The following GRM7 variants were observed in gnomAD, a reference collection of about 807,000 sequenced individuals.
GRM7 encodes the protein metabotropic glutamate receptor 7.
In GRM7, 35 loss-of-function variants were observed where a neutral mutation model predicts 84.5. The ratio of observed to expected loss-of-function variants is 0.41; its 90% CI spans 0.32 to 0.55. The LOEUF (loss-of-function observed/expected upper bound fraction) is 0.55. Among genes scored for constraint, GRM7 ranks in the 20% least tolerant of loss-of-function variants. GRM7 has a pLI of 0.19. For synonymous variants in GRM7, 487 were observed against 455.1 expected (o/e 1.07, Z -0.89); for missense variants, 1,003 against 1,194.6 (o/e 0.84, Z 2.36).
chr3:6,904,900 T>C (rs1696513385), intron 1 of GRM7, among the ~76,000 whole-genome samples: 1 of 152,114 alleles, frequency 6.6e-6, no homozygotes, highest in Admixed American at 6.6e-5. Flanking sequence ...TGTGTATTTT[T>C]TCTGTAGAGA....
At chr3:7,528,030 C>T (rs1559381641) in intron 7 of GRM7, among the ~76,000 whole-genome samples, 1 of 151,934 alleles carries the variant, frequency 6.6e-6, no homozygotes, top group Non-Finnish European at 1.5e-5. Context: ...AAGCATAATA[C>T]TGGTTTCACA....
rs1052681591 is a variant in GRM7, at chr3:6,960,225, T to C, written c.519+98318T>C. On this transcript the variant is annotated intron_variant, in intron 1 of 9. Transcript: ENST00000357716. ...CATTCCCCTGCTCTTCCCGACCTCTTTCCAGTGTGCCTTCTTCTTTGTATT... is the reference window on the plus strand; with the variant it reads ...CATTCCCCTGCTCTTCCCGACCTCTCTCCAGTGTGCCTTCTTCTTTGTATT... Among the ~76,000 whole-genome samples, 4 of 152,156 alleles carry C rather than the reference T, an allele frequency of 2.6e-5. No homozygotes were observed. In the East Asian group the frequency reaches 5.8e-4, roughly 22 times the overall value.
At chr3:7,279,098 G>A (rs549052407) in intron 2 of GRM7, among the ~76,000 whole-genome samples, 2 of 152,068 alleles carry the variant, frequency 1.3e-5, no homozygotes, top group East Asian at 1.9e-4. Flanking sequence ...ATAAGAAAAC[G>A]GTATATTACA....
At chr3:6,955,810 C>T (rs1693022512) in intron 1 of GRM7, among the ~76,000 whole-genome samples, 1 of 148,420 alleles carries the variant, frequency 6.7e-6, no homozygotes, top group African/African-American at 2.5e-5. Flanking sequence ...CCACTGCACT[C>T]CAGATTGGAC....
At chr3:7,483,528 G>A (rs541920800) in intron 7 of GRM7, among the ~76,000 whole-genome samples, 1 of 152,310 alleles carries the variant, frequency 6.6e-6, no homozygotes, top group East Asian at 1.9e-4. Flanking sequence ...TAGGAGGACA[G>A]GTCACAAACT....
intron 1 of GRM7, among the ~76,000 whole-genome samples, chr3:7,080,684 T>TTG (rs1188300031): frequency 7.1e-6 from 1 of 141,150 alleles, no homozygotes; most frequent in African/African-American, 2.7e-5. Flanking sequence ...GTGTGTATAT[T>TTG]TGTATATATA....
At chr3:7,157,673 C>G (rs182886249) in intron 2 of GRM7, among the ~76,000 whole-genome samples, 576 of 151,332 alleles carry the variant, frequency 3.8e-3, no homozygotes, top group Non-Finnish European at 6.9e-3. Context: ...ATGGCTTTTG[C>G]TTCTTTGTGC....
At chr3:7,550,197 A>C (rs1423999422) in intron 7 of GRM7, among the ~76,000 whole-genome samples, 1 of 151,854 alleles carries the variant, frequency 6.6e-6, no homozygotes, top group Non-Finnish European at 1.5e-5. Context: ...GAGGCCAAAA[A>C]AAAACCTAAA....
rs1223006724 is a variant in GRM7 at position 7,594,352 on chromosome 3, T to C, written c.2451+14995T>C. Reference sequence around the variant, plus strand: ...GTAATGCCAGGGGCTGCTATTCACATAGGTTATAAGAATGCCACCCCATGG... The same window carrying C: ...GTAATGCCAGGGGCTGCTATTCACACAGGTTATAAGAATGCCACCCCATGG... On this transcript the variant is annotated intron_variant, in intron 8 of 9. Coordinates refer to ENST00000357716, the MANE Select transcript of GRM7 (RefSeq NM_000844.4). Among the ~76,000 whole-genome samples the C allele has an allele frequency of 3.3e-5, 5 of 152,274 alleles. No homozygotes were observed. In the South Asian group the frequency reaches 6.2e-4, roughly 19 times the overall value.
chr3:7,067,947 A>G (rs1191147807), intron 1 of GRM7, among the ~76,000 whole-genome samples: 4 of 151,970 alleles, frequency 2.6e-5, no homozygotes, highest in African/African-American at 9.7e-5. Flanking sequence ...AACGTAAAGA[A>G]CTCACCTTGC....
intron 4 of GRM7, among the ~76,000 whole-genome samples, chr3:7,358,909 G>A (rs1478003689): frequency 1.3e-5 from 2 of 148,860 alleles, no homozygotes; most frequent in East Asian, 1.9e-4. Flanking sequence ...ATTGAGGTCA[G>A]GGGTTTGAGA....
chr3:6,884,759 C>G (rs1321817141), intron 1 of GRM7, among the ~76,000 whole-genome samples: 1 of 152,012 alleles, frequency 6.6e-6, no homozygotes, highest in African/African-American at 2.4e-5. Context: ...ACCACCACAC[C>G]TGGCTGATTT....
chr3:7,427,790 G>A (rs978147268), intron 5 of GRM7, among the ~76,000 whole-genome samples: 2 of 152,102 alleles, frequency 1.3e-5, no homozygotes, highest in African/African-American at 4.8e-5. Flanking sequence ...AAATGGAAGC[G>A]CAGGAAGACA....
At chr3:6,991,185 C>A (rs1326553268) in intron 1 of GRM7, among the ~76,000 whole-genome samples, 1 of 152,194 alleles carries the variant, frequency 6.6e-6, no homozygotes, top group Non-Finnish European at 1.5e-5. Flanking sequence ...GTCTGCTACT[C>A]TAGATTTGAA....
chr3:7,679,124 C>T (rs1320051494), intron 8 of GRM7, among the ~76,000 whole-genome samples: 1 of 152,080 alleles, frequency 6.6e-6, no homozygotes, highest in African/African-American at 2.4e-5. Flanking sequence ...AGACTTGAGG[C>T]TGTGAGTGCG....
intron 1 of GRM7, among the ~76,000 whole-genome samples, chr3:6,891,661 T>G (rs1695953990): frequency 6.6e-6 from 1 of 152,216 alleles, no homozygotes; most frequent in Non-Finnish European, 1.5e-5. Context: ...TGGCTGCCCT[T>G]AACATTTTTT....
chr3:7,694,761 T>A (rs1700954110), intron 9 of GRM7, among the ~76,000 whole-genome samples: 1 of 152,162 alleles, frequency 6.6e-6, no homozygotes, highest in South Asian at 2.1e-4. Context: ...ACTCAGATAT[T>A]TAAGGAAACA....
intron 2 of GRM7, among the ~76,000 whole-genome samples, chr3:7,264,461 A>T (rs548781591): frequency 6.6e-6 from 1 of 152,088 alleles, no homozygotes; most frequent in Non-Finnish European, 1.5e-5. Flanking sequence ...GGCCTGTAGT[A>T]AGAGCAGGTT....
At chr3:7,578,225 C>G (rs146963916) in intron 7 of GRM7, among the ~76,000 whole-genome samples, 197 bp from the exon 8 acceptor site, 2 of 152,230 alleles carry the variant, frequency 1.3e-5, no homozygotes, top group African/African-American at 2.4e-5. Context: ...TGAGAACACT[C>G]TAATGGTGAA....
Sources: allele counts gnomAD v4.1 joint callset (sites outside exome capture counted in the v4.1 genomes callset), GRCh38; gene constraint gnomAD v4.1.1; transcripts MANE v1.5; gene names NCBI Gene and HGNC (gene_info 2026-07-23, HGNC 2026-07-21).